The following MMAB variants were observed in gnomAD, a reference collection of about 807,000 sequenced individuals.
The protein encoded by MMAB is metabolism of cobalamin associated B.
Under a neutral mutation model 30.6 loss-of-function variants are expected in MMAB, and 17 were observed. That is an observed-to-expected ratio of 0.56 (90% confidence interval 0.38 to 0.83). The LOEUF is 0.83. MMAB is among the 40% of genes least tolerant of loss of function. MMAB has a pLI of 0.00. For synonymous variants in MMAB, 134 were observed against 138.6 expected (o/e 0.97, Z 0.23); for missense variants, 311 against 331.6 (o/e 0.94, Z 0.48).
chr12:109,561,049 G>GC lies in MMAB; in HGVS notation c.574dup (p.Ala192GlyfsTer27). Reference sequence around the variant, plus strand: ...TCTCCAGCCCTCTTACCGTCTCTCGGCCCGGCGGCACACGGCCCGGCAGAA... The same window carrying GC: ...TCTCCAGCCCTCTTACCGTCTCTCGGCCCCGGCGGCACACGGCCCGGCAGAA... On this transcript the variant is annotated frameshift_variant, in exon 7 of 9. Coordinates refer to ENST00000545712, the MANE Select transcript of MMAB (RefSeq NM_052845.4). LOFTEE classifies it high-confidence loss of function. The surrounding 1 kb of genome is among the most constrained non-coding windows in gnomAD (Gnocchi z 5.3). 1 of 1,594,306 alleles carries GC rather than the reference G, an allele frequency of 6.3e-7. No individual in the cohort carries two copies. The highest frequency in any genetic ancestry group is 8.5e-7 in the Non-Finnish European group (1 of 1,170,756).
Position 109,573,433 on chromosome 12 carries a change from A to G in MMAB, c.48T>C (p.Leu16=), listed in dbSNP as rs1167519918. Residue 16 remains leucine (L), a synonymous_variant, in exon 1 of 9, where the codon CTT becomes CTC. Transcript: ENST00000545712. ...LGSRLGLGSR[L]GLRGCFGAAR... is the part of the protein sequence containing the mutation. ...CGGCGCCGAAGCACCCGCGCAGGCC[A>G]AGACGGCTCCCCAGGCCAAGACGGC... 6.2e-7 allele frequency: 1 copy of G among 1,607,296 alleles called. No individual in the cohort carries two copies. The highest frequency in any genetic ancestry group is 1.3e-5 in the African/African-American group (1 of 74,784).
At position 109,556,494 on chromosome 12, in the gene MMAB, G is replaced by A. The variant is rs566397984; in HGVS notation, c.*534C>T. ...TTTGGCGGTGATGGGTGGCTCAGAG[G>A]TGACTAAACTTCCAAATCTTGTCCG... On this transcript the variant is annotated 3_prime_UTR_variant, in exon 9 of 9. Transcript: ENST00000545712. The A allele has an allele frequency of 4.4e-6, 2 of 453,958 alleles. No individual in the cohort carries two copies. Among genetic ancestry groups the A allele is most frequent in the African/African-American group, 4.0e-5 (2 of 49,984 alleles). 28.1% of individuals were successfully genotyped at this position (453,958 alleles called of 1,614,324 possible).
intron 3 of MMAB, chr12:109,568,267 A>C: frequency 5.4e-6 from 1 of 183,708 alleles, no homozygotes; most frequent in Non-Finnish European, 1.2e-5. Flanking sequence ...TGTGATGGGC[A>C]TGAAGTGGGA....
At position 109,561,461 on chromosome 12, in the gene MMAB, A is replaced by G; in HGVS notation, c.478T>C (p.Tyr160His). ...ILELEQWIDK[Y>H]TSQLPPLTAF... ...GTGAGTGGTGGGAGCTGGCTGGTGT[A>G]CTTGTCGATCCACTGCTCCAGCTCC... Residue 160 changes from tyrosine to histidine, a missense_variant, in exon 6 of 9, where the codon TAC (tyrosine) becomes CAC (histidine). Coordinates refer to ENST00000545712, the MANE Select transcript of MMAB (RefSeq NM_052845.4). The surrounding 1 kb of genome is among the most constrained non-coding windows in gnomAD (Gnocchi z 5.3). 6.4e-7 allele frequency: 1 copy of G among 1,550,570 alleles called. No individual in the cohort carries two copies. The highest frequency in any genetic ancestry group is 8.7e-7 in the Non-Finnish European group (1 of 1,146,966).
At chr12:109,557,225 G>T in intron 8 of MMAB, 89 bp from the exon 9 acceptor site, 1 of 928,986 alleles carries the variant, frequency 1.1e-6, no homozygotes. Flanking sequence ...CCTACAAGGA[G>T]GAGATATAAA....
Position 109,554,135 on chromosome 12 carries a change from C to G in MMAB, c.*2893G>C. The G allele has an allele frequency of 2.2e-6, 1 of 453,806 alleles. No individual in the cohort carries two copies. Among genetic ancestry groups the G allele is most frequent in the Non-Finnish European group, 4.4e-6 (1 of 226,606 alleles). 28.1% of individuals were successfully genotyped at this position (453,806 alleles called of 1,614,324 possible). A position where few individuals can be genotyped will look rare whatever the true frequency, so the allele number is the denominator to read the frequency against. On this transcript the variant is annotated 3_prime_UTR_variant, in exon 9 of 9. Transcript: ENST00000545712. The stretch of plus-strand genomic sequence containing the variant: ...AGCACGGGGCTGTGAGTGACGAGGC[C>G]GCGTCCGGGGCTCACATCTTGGCAC...
intron 3 of MMAB, 105 bp downstream of exon 3, chr12:109,568,665 A>G: frequency 1.1e-6 from 1 of 922,234 alleles, no homozygotes; most frequent in South Asian, 1.3e-5. Context: ...ATAAGGGCTG[A>G]CAACCTCCGA....
intron 3 of MMAB, among the ~76,000 whole-genome samples, chr12:109,565,640 T>A (rs1884394478): frequency 6.6e-6 from 1 of 152,200 alleles, no homozygotes; most frequent in African/African-American, 2.4e-5. Flanking sequence ...CACCTTCATG[T>A]TCAGGAGCGT....
At chr12:109,571,267 G>A (rs1374025176) in intron 2 of MMAB, among the ~76,000 whole-genome samples, 1 of 144,402 alleles carries the variant, frequency 6.9e-6, no homozygotes, top group Admixed American at 6.9e-5. Context: ...TTTTTTTTCT[G>A]AGATGGAGTC....
chr12:109,564,866 T>C, intron 4 of MMAB: 1 of 594,226 alleles, frequency 1.7e-6, no homozygotes, highest in Non-Finnish European at 3.0e-6. Context: ...TTTTGTAGAG[T>C]CAGGGTCTTA....
chr12:109,559,783 G>C (rs1884126094), intron 7 of MMAB, among the ~76,000 whole-genome samples: 1 of 152,166 alleles, frequency 6.6e-6, no homozygotes, highest in South Asian at 2.1e-4. Flanking sequence ...GCTACCCAAA[G>C]CCCAGCCTCA....
At chr12:109,560,516 T>G (rs887066509) in intron 7 of MMAB, among the ~76,000 whole-genome samples, 2 of 152,224 alleles carry the variant, frequency 1.3e-5, no homozygotes, top group African/African-American at 4.8e-5. Context: ...CTTCTAAAGA[T>G]TCCTTGAAAA....
rs758790126 is a variant in MMAB at position 109,561,101 on chromosome 12, C to T, written c.523G>A (p.Gly175Arg). The change falls in exon 7 of 9, where the codon GGA (glycine) becomes AGA (arginine). Residue 175 changes from glycine (G) to arginine (R), a missense_variant. Coordinates refer to ENST00000545712, the MANE Select transcript of MMAB (RefSeq NM_052845.4). This position sits in a 1 kb window ranked among gnomAD's most constrained non-coding sequence, Gnocchi z 5.3. Reference sequence around the variant, plus strand: ...TGCAGCGCCGAGCTGATCTTGCCTCCCGACTGAAAGGAGAAAGGGACATTG... The same window carrying T: ...TGCAGCGCCGAGCTGATCTTGCCTCTCGACTGAAAGGAGAAAGGGACATTG... ...PPLTAFILPS[G>R]GKISSALHFC... The T allele has an allele frequency of 6.2e-7, 1 of 1,610,384 alleles. No homozygotes were observed. Among genetic ancestry groups the T allele is most frequent in the Admixed American group, 1.7e-5 (1 of 60,016 alleles).
chr12:109,561,154 ACTG>A lies in MMAB; in HGVS notation c.520-53_520-51del. On this transcript the variant is annotated intron_variant, in intron 6 of 8. Transcript: ENST00000545712. The surrounding 1 kb of genome is among the most constrained non-coding windows in gnomAD (Gnocchi z 5.3). ...TGAGCAGGGTGGGAAAGGTGTGCCCACTGCGGACAGGAGCTCCTCTGAAGTCCA... is the reference window on the plus strand; with the variant it reads ...TGAGCAGGGTGGGAAAGGTGTGCCCACGGACAGGAGCTCCTCTGAAGTCCA... The A allele has an allele frequency of 6.2e-7, 1 of 1,601,722 alleles. No individual in the cohort carries two copies. The highest frequency in any genetic ancestry group is 8.5e-7 in the Non-Finnish European group (1 of 1,178,232).
In MMAB at chr12:109,554,168, C is replaced by T; in HGVS notation, c.*2860G>A. ...GGGCTCACATCTTGGCACTGACTCC[C>T]CAGGACAACTTGGTTCCCCACCCAA... On this transcript the variant is annotated 3_prime_UTR_variant, in exon 9 of 9. Transcript: ENST00000545712. 1 of 453,404 alleles carries T rather than the reference C, an allele frequency of 2.2e-6. No individual in the cohort carries two copies. The highest frequency in any genetic ancestry group is 4.4e-6 in the Non-Finnish European group (1 of 226,198). 28.1% of individuals were successfully genotyped at this position (453,404 alleles called of 1,614,324 possible). A position where few individuals can be genotyped will look rare whatever the true frequency, so the allele number is the denominator to read the frequency against.
Position 109,571,123 on chromosome 12 carries a change from ATATGTACATGCT to A in MMAB, c.196+514_196+525del, listed in dbSNP as rs1884614776. Among the ~76,000 whole-genome samples, 3 of 152,276 alleles carry A rather than the reference ATATGTACATGCT, an allele frequency of 2.0e-5. No individual in the cohort carries two copies. The South Asian group carries it at 6.2e-4, about 32-fold the overall frequency. On this transcript the variant is annotated intron_variant, in intron 2 of 8. Coordinates refer to ENST00000545712, the MANE Select transcript of MMAB (RefSeq NM_052845.4). ...ATTCTACACACACCTGAACACACAT[ATATGTACATGCT>A]TATCCAGACAGATTCAGGCTTTTGT...
chr12:109,568,655 A>T (rs1308405606), intron 3 of MMAB, 115 bp downstream of exon 3: 1 of 866,772 alleles, frequency 1.2e-6, no homozygotes, highest in Non-Finnish European at 2.0e-6. Context: ...GGAAAGTTCA[A>T]TAAGGGCTGA....
intron 3 of MMAB, chr12:109,567,215 T>C (rs1250521462): frequency 8.0e-6 from 3 of 377,256 alleles, no homozygotes; most frequent in Admixed American, 3.2e-5. Flanking sequence ...ACATTATTTT[T>C]ACTTGTGCTA....
chr12:109,555,940 T>A lies in MMAB; in HGVS notation c.*1088A>T, dbSNP rs142486697. On this transcript the variant is annotated 3_prime_UTR_variant, in exon 9 of 9. Transcript: ENST00000545712. ...ATGCTAAGCAGCCACTCAGTCAATA[T>A]GTGATGGCTGAATGGAGTTCGCCAG... 520 of 454,044 alleles carry A rather than the reference T, an allele frequency of 1.1e-3. 8 individuals are homozygous for A. Among genetic ancestry groups the A allele is most frequent in the African/African-American group, 9.3e-3 (465 of 50,120 alleles). 28.1% of individuals were successfully genotyped at this position (454,044 alleles called of 1,614,324 possible). A position where few individuals can be genotyped will look rare whatever the true frequency, so the allele number is the denominator to read the frequency against.
Sources: gnomAD v4.1 joint callset for allele counts (sites outside exome capture counted in the v4.1 genomes callset) on GRCh38, gnomAD v4.1.1 for gene constraint, Gnocchi (gnomAD v3.1) non-coding constraint, MANE v1.5 for transcripts, NCBI Gene and HGNC (gene_info 2026-07-23, HGNC 2026-07-21) for gene names.